The following B3GALNT2 variants were observed in gnomAD, a reference collection of about 807,000 sequenced individuals.
The protein encoded by B3GALNT2 is beta-1,3-N-acetylgalactosaminyltransferase 2, also known as UDP-GalNAc:beta-1,3-N-acetylgalactosaminyltransferase 2.
B3GALNT2 carries 53 observed loss-of-function variants against 61.1 expected under a neutral mutation model. The observed-to-expected ratio is 0.87, with a 90% CI of 0.70 to 1.09. The LOEUF is 1.09. B3GALNT2 is among the 50% of genes least tolerant of loss of function. The pLI, the probability that B3GALNT2 is intolerant of heterozygous loss-of-function variation, is 0.00. For synonymous variants in B3GALNT2, 223 were observed against 237.4 expected (o/e 0.94, Z 0.56); for missense variants, 544 against 623.0 (o/e 0.87, Z 1.35).
At position 235,496,239 on chromosome 1, in the gene B3GALNT2, A is replaced by T. The variant is rs746831350; in HGVS notation, c.113-1411T>A. On this transcript the variant is annotated intron_variant, in intron 1 of 11. Transcript: ENST00000366600. ...GGCAGGAGAATCTCTTGAACCCGGG[A>T]GGTGGAGGTTGGGGTGAGCCGAGAC... 9.6e-5 allele frequency: 25 copies of T among 259,862 alleles called. No individual in the cohort carries two copies. In the Admixed American group the frequency reaches 1.4e-3, roughly 14 times the overall value. The allele number at this position is 259,862 out of a possible 1,614,324, so 16.1% of individuals were successfully genotyped here.
chr1:235,489,190 T>C lies in B3GALNT2; in HGVS notation c.339A>G (p.Lys113=), dbSNP rs575352096. The C allele has an allele frequency of 1.2e-6, 2 of 1,613,994 alleles. No homozygotes were observed. The highest frequency in any genetic ancestry group is 3.3e-5 in the Admixed American group (2 of 60,008). ...VEDREDPYSC[K]LLNITNPVLN... is the part of the protein sequence containing the mutation. ...TACCTGGATTTGTGATGTTGAGTAG[T>C]TTACAGGAATAAGGATCCTCCCTGT... The change falls in exon 3 of 12, where the codon AAA becomes AAG. Residue 113 remains lysine (K), a synonymous_variant. Transcript: ENST00000366600.
At chr1:235,501,123 A>G (rs561821688) in intron 1 of B3GALNT2, among the ~76,000 whole-genome samples, 1 of 152,130 alleles carries the variant, frequency 6.6e-6, no homozygotes, top group East Asian at 1.9e-4. Context: ...TTGTCACATC[A>G]TTTTTCTAAA....
chr1:235,484,408 T>TAAC lies in B3GALNT2; in HGVS notation c.466_468dup (p.Val156dup). The TAAC allele has an allele frequency of 6.2e-7, 1 of 1,614,168 alleles. No individual in the cohort carries two copies. Among genetic ancestry groups the TAAC allele is most frequent in the East Asian group, 2.2e-5 (1 of 44,878 alleles). The stretch of plus-strand genomic sequence containing the variant: ...TCGTAGAACACTCCAAGACTGGTAA[T>TAAC]AACGATGGGGTAGAGAACTCGGAAA... On this transcript the variant is annotated inframe_insertion, in exon 4 of 12. Coordinates refer to ENST00000366600, the MANE Select transcript of B3GALNT2 (RefSeq NM_152490.5).
chr1:235,456,770 T>C (rs772824453), intron 8 of B3GALNT2, among the ~76,000 whole-genome samples: 22 of 152,310 alleles, frequency 1.4e-4, no homozygotes, highest in African/African-American at 3.8e-4. Flanking sequence ...CTAGGAAATA[T>C]CTTGCTCTAA....
intron 2 of B3GALNT2, among the ~76,000 whole-genome samples, chr1:235,491,455 TTTTCCCAGAGAG>T (rs1222188201): frequency 6.6e-6 from 1 of 152,192 alleles, no homozygotes; most frequent in Non-Finnish European, 1.5e-5. Context: ...TAAGCATCAT[TTTTCCCAGAGAG>T]CCAGTTAGTA....
At chr1:235,473,714 G>T (rs1330914915) in intron 5 of B3GALNT2, among the ~76,000 whole-genome samples, 1 of 152,130 alleles carries the variant, frequency 6.6e-6, no homozygotes, top group Non-Finnish European at 1.5e-5. Flanking sequence ...AAAACAGAAG[G>T]CTAGGTAGCA....
At chr1:235,444,723 A>C (rs1206755646), downstream of B3GALNT2, among the ~76,000 whole-genome samples, 1 of 152,200 alleles carries the variant, frequency 6.6e-6, no homozygotes, top group Non-Finnish European at 1.5e-5. Flanking sequence ...CTTTCTGTGA[A>C]TGTTTTTGGC....
chr1:235,491,061 A>C (rs2102856798), intron 2 of B3GALNT2, among the ~76,000 whole-genome samples: 1 of 151,618 alleles, frequency 6.6e-6, no homozygotes, highest in African/African-American at 2.4e-5. Context: ...GTGTCTATCT[A>C]TAGCCACTAC....
chr1:235,485,217 G>A (rs1415822046), intron 3 of B3GALNT2, among the ~76,000 whole-genome samples: 4 of 152,166 alleles, frequency 2.6e-5, no homozygotes, highest in Admixed American at 1.3e-4. Flanking sequence ...ATAGAAAGTG[G>A]CAGATCCAGG....
intron 3 of B3GALNT2, among the ~76,000 whole-genome samples, chr1:235,488,566 C>T (rs913916642): frequency 2.6e-5 from 4 of 151,584 alleles, no homozygotes; most frequent in African/African-American, 9.7e-5. Context: ...CCTGTAATCC[C>T]ATCTACTTAA....
Position 235,480,160 on chromosome 1 carries a change from G to T in B3GALNT2, c.556-11C>A. ...AATGAAGAGGGCCTCCTACAAATTG[G>T]GAGAAAAAGACAAGAAAAAATACTT... On this transcript the variant is annotated splice_polypyrimidine_tract_variant and intron_variant, in intron 4 of 11. Transcript: ENST00000366600. 6.2e-7 allele frequency: 1 copy of T among 1,611,528 alleles called. No individual in the cohort carries two copies. The highest frequency in any genetic ancestry group is 1.1e-5 in the South Asian group (1 of 90,674).
downstream of B3GALNT2, among the ~76,000 whole-genome samples, chr1:235,447,056 G>A (rs1052065525): frequency 6.6e-6 from 1 of 152,090 alleles, no homozygotes; most frequent in African/African-American, 2.4e-5. Context: ...GTGTGCAGCA[G>A]GTAACCCCTT....
chr1:235,485,160 A>G (rs1684743613), intron 3 of B3GALNT2, among the ~76,000 whole-genome samples: 2 of 152,204 alleles, frequency 1.3e-5, no homozygotes, highest in African/African-American at 4.8e-5. Flanking sequence ...TCTCCAGTTT[A>G]CATATTAAGA....
chr1:235,502,590 G>T (rs925957267), intron 1 of B3GALNT2, among the ~76,000 whole-genome samples: 1 of 152,162 alleles, frequency 6.6e-6, no homozygotes, highest in Non-Finnish European at 1.5e-5. Flanking sequence ...CTAACTACTG[G>T]ATGGCAGATA....
rs770930732 is a variant in B3GALNT2 at position 235,494,692 on chromosome 1, T to G, written c.249A>C (p.Thr83=). 1.2e-6 allele frequency: 2 copies of G among 1,612,264 alleles called. No individual in the cohort carries two copies. Among genetic ancestry groups the G allele is most frequent in the Non-Finnish European group, 1.7e-6 (2 of 1,178,968 alleles). Residue 83 remains threonine (T), a synonymous_variant, in exon 2 of 12, where the codon ACA becomes ACC. Transcript: ENST00000366600. ...TWMRHLLQHP[T]LSQRVLVKFI... Reference sequence around the variant, plus strand: ...CTCAGAAAACCTACCGTTGACTTAATGTGGGATGCTGTAGCAAATGTCTCA... The same window carrying G: ...CTCAGAAAACCTACCGTTGACTTAAGGTGGGATGCTGTAGCAAATGTCTCA...
intron 7 of B3GALNT2, among the ~76,000 whole-genome samples, chr1:235,459,936 G>A (rs370498875): frequency 6.6e-6 from 1 of 152,004 alleles, no homozygotes; most frequent in Non-Finnish European, 1.5e-5. Flanking sequence ...TGGGATTACA[G>A]GTGTTAGCTA....
At chr1:235,442,780 T>C, downstream of B3GALNT2, 1 of 1,453,490 alleles carries the variant, frequency 6.9e-7, no homozygotes, top group South Asian at 1.2e-5. Context: ...GGCCATCTGT[T>C]GATGTGTGTG....
rs1558447944 is a variant in B3GALNT2 at position 235,502,021 on chromosome 1, A to T, written c.112+2120T>A. Among the ~76,000 whole-genome samples, 3 of 152,254 alleles carry T rather than the reference A, an allele frequency of 2.0e-5. No individual in the cohort carries two copies. The South Asian group carries it at 6.2e-4, about 32-fold the overall frequency. On this transcript the variant is annotated intron_variant, in intron 1 of 11. Transcript: ENST00000366600. The stretch of plus-strand genomic sequence containing the variant: ...GTCAGTCTTGTTTAATTAATTAATT[A>T]ATTATTTTGAGATGGACTTTCGCTC...
intron 6 of B3GALNT2, 82 bp from the exon 7 acceptor site, chr1:235,465,796 T>C: frequency 2.0e-6 from 3 of 1,513,144 alleles, no homozygotes; most frequent in African/African-American, 1.4e-5. Context: ...ACAAAAATCA[T>C]AATATGACTC....
Sources: allele counts gnomAD v4.1 joint callset (sites outside exome capture counted in the v4.1 genomes callset), GRCh38; gene constraint gnomAD v4.1.1; transcripts MANE v1.5; gene names NCBI Gene and HGNC (gene_info 2026-07-23, HGNC 2026-07-21).